Variants in OTUD7A observed in about 807,000 individuals in gnomAD.
The protein encoded by OTUD7A is OTU domain-containing protein 7A.
OTUD7A carries 12 observed loss-of-function variants against 65.7 expected under a neutral mutation model. The ratio of observed to expected loss-of-function variants is 0.18; its 90% CI spans 0.12 to 0.30. OTUD7A has a LOEUF of 0.30. Among genes scored for constraint, OTUD7A ranks in the 10% least tolerant of loss-of-function variants. OTUD7A has a pLI of 1.00. For synonymous variants in OTUD7A, 641 were observed against 586.3 expected (o/e 1.09, Z -1.35); for missense variants, 1,148 against 1,304.8 (o/e 0.88, Z 1.85).
At chr15:31,505,935 G>C (rs903361853) in intron 8 of OTUD7A, among the ~76,000 whole-genome samples, 13 of 151,876 alleles carry the variant, frequency 8.6e-5, no homozygotes, top group Non-Finnish European at 4.4e-5. Flanking sequence ...ATTTTTAGTA[G>C]AGACGTGTTA....
chr15:31,490,146 T>G (rs2041298325), intron 10 of OTUD7A, among the ~76,000 whole-genome samples: 1 of 152,218 alleles, frequency 6.6e-6, no homozygotes, highest in Non-Finnish European at 1.5e-5. Context: ...TGCCTCTGCT[T>G]CTCAACTGTA....
Position 31,510,893 on chromosome 15 carries a change from CTATATGTAACATATAT to C in OTUD7A, c.894-7091_894-7076del. ...ATCTATATGTAACATATATGTATAT[CTATATGTAACATATAT>C]GTATATCTATATGTAACATATATGT... On this transcript the variant is annotated intron_variant, in intron 8 of 12. Transcript: ENST00000307050. Among the ~76,000 whole-genome samples, 2 of 36,936 alleles carry C rather than the reference CTATATGTAACATATAT, an allele frequency of 5.4e-5. 1 individual carries two copies. The highest frequency in any genetic ancestry group is 8.9e-5 in the Non-Finnish European group (2 of 22,572). 24.2% of individuals were successfully genotyped at this position (36,936 alleles called of 152,430 possible). A position where few individuals can be genotyped will look rare whatever the true frequency, so the allele number is the denominator to read the frequency against.
At chr15:31,738,443 A>G (rs1894251711) in intron 1 of OTUD7A, among the ~76,000 whole-genome samples, 1 of 152,156 alleles carries the variant, frequency 6.6e-6, no homozygotes, top group South Asian at 2.1e-4. Context: ...TGAATCTACA[A>G]AAGAGGTCCA....
At chr15:31,687,054 T>C (rs1362085475) in intron 1 of OTUD7A, among the ~76,000 whole-genome samples, 3 of 151,546 alleles carry the variant, frequency 2.0e-5, no homozygotes, top group South Asian at 2.1e-4. Flanking sequence ...TCAAGGAAGA[T>C]GCATTCTGTG....
In OTUD7A at chr15:31,796,222, ATC is replaced by A. The variant is rs1235050766; in HGVS notation, c.-100+74283_-100+74284del. 3.4e-5 allele frequency among the ~76,000 whole-genome samples: 5 copies of A among 149,108 alleles called. No homozygotes were observed. In the East Asian group the frequency reaches 9.9e-4, roughly 29 times the overall value. ...TATCTATCTATCTATCTATCTATCT[ATC>A]TATCTATCTATCATCTATCTGTCTT... On this transcript the variant is annotated intron_variant, in intron 1 of 12. Transcript: ENST00000307050.
intron 5 of OTUD7A, among the ~76,000 whole-genome samples, chr15:31,543,823 A>C (rs1000273877): frequency 6.6e-6 from 1 of 151,934 alleles, no homozygotes; most frequent in Non-Finnish European, 1.5e-5. Flanking sequence ...ACACATCTCT[A>C]TCGGTAATTG....
At chr15:31,646,628 T>A (rs1258316810) in intron 3 of OTUD7A, among the ~76,000 whole-genome samples, 1 of 151,980 alleles carries the variant, frequency 6.6e-6, no homozygotes, top group Non-Finnish European at 1.5e-5. Context: ...GCCTGGCTAA[T>A]TTTTGTATTT....
Position 31,775,726 on chromosome 15 carries a change from G to A in OTUD7A, c.-100+94781C>T, listed in dbSNP as rs537893438. Reference sequence around the variant, plus strand: ...AAGGGGAAAAGATTTGCTCCTAGACGCCTGAAGGAATGAGTGTAGACATGG... The same window carrying A: ...AAGGGGAAAAGATTTGCTCCTAGACACCTGAAGGAATGAGTGTAGACATGG... On this transcript the variant is annotated intron_variant, in intron 1 of 12. Transcript: ENST00000307050. Among the ~76,000 whole-genome samples the A allele has an allele frequency of 3.3e-5, 5 of 152,292 alleles. No individual in the cohort carries two copies. The East Asian group carries it at 9.6e-4, about 29-fold the overall frequency.
chr15:31,815,368 G>A (rs1258787686), intron 1 of OTUD7A, among the ~76,000 whole-genome samples: 1 of 152,212 alleles, frequency 6.6e-6, no homozygotes, highest in Non-Finnish European at 1.5e-5. Flanking sequence ...CAGTCCCAAA[G>A]GTGAGTGACC....
chr15:31,491,733 C>A (rs1057003901), intron 10 of OTUD7A, among the ~76,000 whole-genome samples: 1 of 151,882 alleles, frequency 6.6e-6, no homozygotes, highest in Non-Finnish European at 1.5e-5. Context: ...AACCCAAAGA[C>A]AAAAAGAAAG....
intron 1 of OTUD7A, among the ~76,000 whole-genome samples, chr15:31,724,398 G>A (rs1308269243): frequency 6.6e-6 from 1 of 152,220 alleles, no homozygotes; most frequent in African/African-American, 2.4e-5. Context: ...GCATCTGGAA[G>A]TAACATTTGC....
intron 1 of OTUD7A, among the ~76,000 whole-genome samples, chr15:31,822,122 A>G (rs1194548997): frequency 6.6e-6 from 1 of 152,218 alleles, no homozygotes; most frequent in East Asian, 1.9e-4. Flanking sequence ...GTGATCTAAT[A>G]TATTTATTTC....
intron 8 of OTUD7A, among the ~76,000 whole-genome samples, chr15:31,513,818 T>G (rs1259771171): frequency 6.6e-6 from 1 of 152,226 alleles, no homozygotes; most frequent in Non-Finnish European, 1.5e-5. Flanking sequence ...ACAAGCATTT[T>G]GTGGAGAGGA....
chr15:31,862,182 C>T (rs920301733), intron 1 of OTUD7A, among the ~76,000 whole-genome samples: 6 of 152,186 alleles, frequency 3.9e-5, no homozygotes, highest in African/African-American at 1.2e-4. Flanking sequence ...CTCTCTCCCA[C>T]CCCCTAGTTT....
At chr15:31,774,556 T>G (rs968278432) in intron 1 of OTUD7A, among the ~76,000 whole-genome samples, 7 of 152,168 alleles carry the variant, frequency 4.6e-5, no homozygotes, top group Non-Finnish European at 8.8e-5. Context: ...TCCAGCACAC[T>G]CTGTTAATGA....
At chr15:31,610,607 A>ATTTTTTTTT (rs1395271113) in intron 3 of OTUD7A, among the ~76,000 whole-genome samples, 4 of 39,550 alleles carry the variant, frequency 1.0e-4, no homozygotes, top group Non-Finnish European at 1.8e-4. Context: ...ATATATATAT[A>ATTTTTTTTT]TATATATATA....
At chr15:31,667,675 T>C (rs1360568059) in intron 1 of OTUD7A, among the ~76,000 whole-genome samples, 1 of 152,228 alleles carries the variant, frequency 6.6e-6, no homozygotes, top group Admixed American at 6.5e-5. Context: ...TTGTGCTATT[T>C]GTTGCCTGTG....
At chr15:31,610,593 TTATATATA>T (rs1244768576) in intron 3 of OTUD7A, among the ~76,000 whole-genome samples, 5 of 81,012 alleles carry the variant, frequency 6.2e-5, no homozygotes, top group South Asian at 4.1e-4. Context: ...AAAAATGAAA[TTATATATA>T]TATATATATA....
intron 3 of OTUD7A, among the ~76,000 whole-genome samples, chr15:31,610,617 ATTT>A (rs58099939): frequency 3.3e-5 from 1 of 30,558 alleles, no homozygotes; most frequent in African/African-American, 1.7e-4. Flanking sequence ...ATATATATAT[ATTT>A]TTTTTTTTTT....
Sources: gnomAD v4.1 joint callset for allele counts (sites outside exome capture counted in the v4.1 genomes callset) on GRCh38, gnomAD v4.1.1 for gene constraint, MANE v1.5 for transcripts, NCBI Gene and HGNC (gene_info 2026-07-23, HGNC 2026-07-21) for gene names.